Variants in UBE3D observed in about 807,000 individuals in gnomAD.
UBE3D encodes the protein ubiquitin protein ligase E3D.
Under a neutral mutation model 49.6 loss-of-function variants are expected in UBE3D, and 48 were observed. The ratio of observed to expected loss-of-function variants is 0.97; its 90% confidence interval spans 0.77 to 1.23. The LOEUF is 1.23. Among genes scored for constraint, UBE3D ranks in the 50% most tolerant of loss-of-function variants. The probability of loss-of-function intolerance (pLI) is 0.00; values close to 1 mark genes in which losing one functional copy is unlikely to be tolerated. For missense variants in UBE3D, 452 were observed against 468.4 expected, an observed-to-expected ratio of 0.96 and a Z score of 0.32; for synonymous variants, 189 against 174.2, an observed-to-expected ratio of 1.08 and a Z score of -0.67.
At chr6:82,989,149 A>G (rs987485175) in intron 8 of UBE3D, among the ~76,000 whole-genome samples, 6 of 152,162 alleles carry the variant, frequency 3.9e-5, no homozygotes, top group Non-Finnish European at 7.3e-5. Flanking sequence ...GCTCCTTTAC[A>G]GTAACAAATA....
chr6:83,057,894 C>T lies in UBE3D; in HGVS notation c.206G>A (p.Arg69His), dbSNP rs771453519. ...AEVRLVPSSCRGLQFVVGDGL... is the reference protein window; with the variant it reads ...AEVRLVPSSCHGLQFVVGDGL... ...ATCTCCAACAACAAACTGTAGCCCA[C>T]GGCAAGAGGAAGGTACAAGCCTGAC... is the stretch of plus-strand genomic sequence containing the variant. The change falls in exon 2 of 10, where the codon CGT (arginine) becomes CAT (histidine). Residue 69 changes from arginine to histidine, a missense_variant. Physicochemically the swap from Arg to His is conservative, Grantham distance 29. Coordinates refer to ENST00000369747, the MANE Select transcript of UBE3D (RefSeq NM_198920.3). 62 of 1,613,990 alleles carry T rather than the reference C, an allele frequency of 3.8e-5. 1 individual carries two copies. Among genetic ancestry groups the T allele is most frequent in the South Asian group, 1.4e-4 (13 of 91,080 alleles).
downstream of UBE3D, among the ~76,000 whole-genome samples, chr6:82,888,169 AG>A (rs1386153898): frequency 6.6e-6 from 1 of 151,988 alleles, no homozygotes; most frequent in African/African-American, 2.4e-5. Context: ...TAGGCTGGGA[AG>A]GGTACTGGGC....
chr6:82,900,101 G>C (rs141993742), intron 9 of UBE3D, among the ~76,000 whole-genome samples: 4 of 152,288 alleles, frequency 2.6e-5, no homozygotes, highest in Non-Finnish European at 5.9e-5. Flanking sequence ...CTGCAGAAGG[G>C]AACAGTGGCA....
At chr6:83,056,489 G>A (rs550915179) in intron 2 of UBE3D, among the ~76,000 whole-genome samples, 5 of 152,064 alleles carry the variant, frequency 3.3e-5, no homozygotes, top group Admixed American at 2.0e-4. Context: ...TTCCCAGCTC[G>A]GTGACCCTAA....
intron 8 of UBE3D, among the ~76,000 whole-genome samples, chr6:82,967,204 G>T (rs1341148400): frequency 6.6e-6 from 1 of 152,144 alleles, no homozygotes; most frequent in Non-Finnish European, 1.5e-5. Flanking sequence ...GAAATACAGA[G>T]ATGCTGTCTA....
chr6:82,907,845 C>T (rs1393507430), intron 9 of UBE3D, among the ~76,000 whole-genome samples: 1 of 151,962 alleles, frequency 6.6e-6, no homozygotes, highest in African/African-American at 2.4e-5. Context: ...AGATATGTAC[C>T]TGAGAGAGAT....
chr6:82,919,035 G>A (rs1439469303), intron 9 of UBE3D, among the ~76,000 whole-genome samples: 1 of 151,962 alleles, frequency 6.6e-6, no homozygotes, highest in Admixed American at 6.6e-5. Context: ...TCCATCTCCT[G>A]GTGTTTTGGT....
chr6:82,912,385 G>A (rs868074875), intron 9 of UBE3D, among the ~76,000 whole-genome samples: 1 of 151,668 alleles, frequency 6.6e-6, no homozygotes, highest in Non-Finnish European at 1.5e-5. Context: ...CTGTAAAACT[G>A]TGTCCTAGTT....
At chr6:82,884,569 C>T in the UBE3D span, among the ~76,000 whole-genome samples, 5 of 152,280 alleles carry the variant, frequency 3.3e-5, no homozygotes, top group South Asian at 8.3e-4. Context: ...TGGCTCCATA[C>T]ACACAGGTTA....
intron 8 of UBE3D, among the ~76,000 whole-genome samples, chr6:82,975,446 A>G (rs1777646856): frequency 6.6e-6 from 1 of 152,218 alleles, no homozygotes; most frequent in African/African-American, 2.4e-5. Context: ...GAAGAGTGCC[A>G]AAATACTAGC....
chr6:83,008,753 A>G (rs558043122), intron 8 of UBE3D, among the ~76,000 whole-genome samples: 2 of 152,360 alleles, frequency 1.3e-5, no homozygotes, highest in South Asian at 4.1e-4. Context: ...ATATGCCAGG[A>G]AGTCTACAGC....
intron 2 of UBE3D, among the ~76,000 whole-genome samples, chr6:83,055,522 A>C (rs190495760): frequency 5.9e-5 from 9 of 152,298 alleles, no homozygotes; most frequent in Admixed American, 5.9e-4. Flanking sequence ...TTTTTTCCAG[A>C]CCCACAAACA....
the UBE3D span, among the ~76,000 whole-genome samples, chr6:82,885,573 C>A: frequency 6.6e-6 from 1 of 152,128 alleles, no homozygotes; most frequent in Non-Finnish European, 1.5e-5. Flanking sequence ...ACTGCACAGG[C>A]GGCATTTCAA....
At chr6:83,047,064 T>C (rs1386051364) in intron 3 of UBE3D, among the ~76,000 whole-genome samples, 2 of 152,206 alleles carry the variant, frequency 1.3e-5, no homozygotes, top group African/African-American at 2.4e-5. Flanking sequence ...TAAATATTTG[T>C]TGAAGAAATG....
chr6:83,050,761 C>A (rs1361562003), intron 3 of UBE3D, among the ~76,000 whole-genome samples: 1 of 147,424 alleles, frequency 6.8e-6, no homozygotes, highest in African/African-American at 2.4e-5. Context: ...TTTTTCCATA[C>A]AACTCAGTCA....
chr6:83,011,938 A>T (rs1421099038), intron 8 of UBE3D, among the ~76,000 whole-genome samples: 2 of 152,184 alleles, frequency 1.3e-5, no homozygotes, highest in African/African-American at 2.4e-5. Flanking sequence ...ATGCTGATTC[A>T]GAGCATACAC....
intron 5 of UBE3D, among the ~76,000 whole-genome samples, chr6:83,031,435 C>A (rs1478894841): frequency 6.6e-6 from 1 of 152,206 alleles, no homozygotes. Context: ...TTCAAGCCTG[C>A]TTGCATCTTG....
intron 9 of UBE3D, among the ~76,000 whole-genome samples, chr6:82,904,399 G>A (rs766640124): frequency 6.6e-6 from 1 of 152,200 alleles, no homozygotes; most frequent in Non-Finnish European, 1.5e-5. Flanking sequence ...TCAGCAGTTT[G>A]TACACTGCTA....
chr6:82,932,403 T>C (rs1384315416), intron 9 of UBE3D, among the ~76,000 whole-genome samples: 2 of 152,208 alleles, frequency 1.3e-5, no homozygotes, highest in Non-Finnish European at 2.9e-5. Context: ...TCTGGTCCTA[T>C]ATGGCCTTTG....
Sources: gnomAD v4.1 joint callset for allele counts (sites outside exome capture counted in the v4.1 genomes callset) on GRCh38, gnomAD v4.1.1 for gene constraint, MANE v1.5 for transcripts, NCBI Gene and HGNC (gene_info 2026-07-23, HGNC 2026-07-21) for gene names.